The following LY96 variants were observed in gnomAD, a reference collection of about 807,000 sequenced individuals.
LY96 encodes the protein myeloid differentiation protein-2.
Under a neutral mutation model 18.9 loss-of-function variants are expected in LY96, and 18 were observed. The ratio of observed to expected loss-of-function variants is 0.95; its 90% CI spans 0.66 to 1.41. The LOEUF is 1.41. Among genes scored for constraint, LY96 ranks in the 40% most tolerant of loss-of-function variants. The pLI, the probability that LY96 is intolerant of heterozygous loss-of-function variation, is 0.00. For missense variants in LY96, 175 were observed against 182.4 expected, an observed-to-expected ratio of 0.96 and a Z score of 0.23; for synonymous variants, 66 against 62.6, an observed-to-expected ratio of 1.06 and a Z score of -0.26.
At chr8:74,091,144 G>T in the LY96 span, among the ~76,000 whole-genome samples, 1 of 152,112 alleles carries the variant, frequency 6.6e-6, no homozygotes, top group African/African-American at 2.4e-5. Context: ...AGAAAGTGAG[G>T]CTACAGTAAT....
At chr8:74,073,566 C>T in the LY96 span, among the ~76,000 whole-genome samples, 1 of 152,096 alleles carries the variant, frequency 6.6e-6, no homozygotes, top group African/African-American at 2.4e-5. Flanking sequence ...CAGTTCTAAT[C>T]CATGCAGTTT....
At chr8:74,008,074 C>G (rs1816452037) in intron 2 of LY96, among the ~76,000 whole-genome samples, 1 of 152,086 alleles carries the variant, frequency 6.6e-6, no homozygotes, top group Non-Finnish European at 1.5e-5. Context: ...TTTCTTGTCT[C>G]TCACTCCAAC....
At chr8:74,097,290 C>T in the LY96 span, among the ~76,000 whole-genome samples, 4 of 152,140 alleles carry the variant, frequency 2.6e-5, no homozygotes, top group African/African-American at 9.7e-5. Context: ...GCCCTTTCCG[C>T]CTGTGTGCTC....
At chr8:74,080,294 A>G in the LY96 span, among the ~76,000 whole-genome samples, 1 of 152,144 alleles carries the variant, frequency 6.6e-6, no homozygotes, top group Non-Finnish European at 1.5e-5. Flanking sequence ...ACTTTGGTAT[A>G]TTCCCAAGCC....
chr8:73,991,682 C>T, intron 1 of LY96, 128 bp downstream of exon 1: 1 of 662,650 alleles, frequency 1.5e-6, no homozygotes, highest in Non-Finnish European at 2.7e-6. Flanking sequence ...GTGGCGGACG[C>T]TGCCAGCAGG....
At chr8:74,065,956 C>T in the LY96 span, among the ~76,000 whole-genome samples, 2 of 152,162 alleles carry the variant, frequency 1.3e-5, no homozygotes, top group Non-Finnish European at 2.9e-5. Context: ...ACATGCAGGA[C>T]AATTCAAAAC....
At chr8:74,002,938 T>C (rs1383580604) in intron 1 of LY96, among the ~76,000 whole-genome samples, 2 of 152,254 alleles carry the variant, frequency 1.3e-5, no homozygotes, top group Non-Finnish European at 2.9e-5. Context: ...AAATTCTCAC[T>C]GCATTCATGT....
At chr8:74,010,273 A>G (rs2131268551) in intron 3 of LY96, 144 bp downstream of exon 3, 1 of 667,154 alleles carries the variant, frequency 1.5e-6, no homozygotes, top group Non-Finnish European at 2.6e-6. Context: ...AGCAGCTTAA[A>G]TAACATTTTA....
chr8:73,998,815 C>A (rs1816203537), intron 1 of LY96, among the ~76,000 whole-genome samples: 1 of 152,094 alleles, frequency 6.6e-6, no homozygotes, highest in Non-Finnish European at 1.5e-5. Context: ...CAAGGGATAT[C>A]TTTCTGTTTC....
the LY96 span, among the ~76,000 whole-genome samples, chr8:74,084,329 G>A: frequency 6.6e-6 from 1 of 152,120 alleles, no homozygotes; most frequent in Admixed American, 6.5e-5. Context: ...GCTCATTAGA[G>A]GTTGCTCAGT....
chr8:74,012,539 G>A (rs180835517), intron 3 of LY96, among the ~76,000 whole-genome samples: 2 of 152,222 alleles, frequency 1.3e-5, no homozygotes, highest in East Asian at 1.9e-4. Flanking sequence ...GGGTGAGGGG[G>A]TGGATGATGT....
chr8:74,081,778 T>G, the LY96 span, among the ~76,000 whole-genome samples: 2 of 152,080 alleles, frequency 1.3e-5, no homozygotes, highest in Non-Finnish European at 2.9e-5. Flanking sequence ...CTCAGCCTCC[T>G]GAGTAGCTGG....
At chr8:74,013,870 G>T (rs1356470130) in intron 3 of LY96, among the ~76,000 whole-genome samples, 1 of 152,106 alleles carries the variant, frequency 6.6e-6, no homozygotes, top group South Asian at 2.1e-4. Context: ...TAACTCATGC[G>T]CAAAATATTG....
intron 3 of LY96, among the ~76,000 whole-genome samples, chr8:74,020,604 A>G (rs977053622): frequency 6.6e-6 from 1 of 152,242 alleles, no homozygotes; most frequent in African/African-American, 2.4e-5. Flanking sequence ...AAGAGCCTGC[A>G]TTGCCAAGAC....
At chr8:74,028,159 C>T (rs574635649) in intron 4 of LY96, among the ~76,000 whole-genome samples, 1 of 152,288 alleles carries the variant, frequency 6.6e-6, no homozygotes, top group East Asian at 1.9e-4. Flanking sequence ...CCACTCAGTA[C>T]TGAAACAGTT....
the LY96 span, among the ~76,000 whole-genome samples, chr8:74,072,434 T>C: frequency 2.0e-5 from 3 of 152,218 alleles, no homozygotes; most frequent in African/African-American, 7.2e-5. Context: ...AACTGATGCA[T>C]TATAATCTAA....
At chr8:74,092,719 T>A in the LY96 span, among the ~76,000 whole-genome samples, 1 of 152,216 alleles carries the variant, frequency 6.6e-6, no homozygotes, top group Non-Finnish European at 1.5e-5. Flanking sequence ...TCATGAAAGT[T>A]CATCTCACTT....
chr8:74,028,771 T>C (rs2891354), intron 4 of LY96, among the ~76,000 whole-genome samples, 185 bp from the exon 5 acceptor site: 45,554 of 152,070 alleles, frequency 0.3, 9,326 homozygotes, highest in African/African-American at 0.59. Context: ...AATCTTATAA[T>C]TGGGAAATAA....
the LY96 span, among the ~76,000 whole-genome samples, chr8:74,096,576 C>G: frequency 6.6e-6 from 1 of 152,182 alleles, no homozygotes; most frequent in African/African-American, 2.4e-5. Flanking sequence ...TGCTGACTCT[C>G]CTGCTCTATT....
Sources: allele counts gnomAD v4.1 joint callset (sites outside exome capture counted in the v4.1 genomes callset), GRCh38; gene constraint gnomAD v4.1.1; transcripts MANE v1.5; gene names NCBI Gene and HGNC (gene_info 2026-07-23, HGNC 2026-07-21).